The following DGLUCY variants were observed in gnomAD, a reference collection of about 807,000 sequenced individuals.
DGLUCY encodes the protein D-glutamate cyclase, mitochondrial.
Under a neutral mutation model 58.5 loss-of-function variants are expected in DGLUCY, and 58 were observed. The ratio of observed to expected loss-of-function variants is 0.99; its 90% CI spans 0.80 to 1.23. The LOEUF (loss-of-function observed/expected upper bound fraction) is 1.23. Among genes scored for constraint, DGLUCY ranks in the 50% most tolerant of loss-of-function variants. DGLUCY has a pLI of 0.00. For synonymous variants in DGLUCY, 325 were observed against 314.1 expected (o/e 1.03, Z -0.37); for missense variants, 779 against 784.7 (o/e 0.99, Z 0.09).
chr14:91,176,699 C>T (rs1431039295), intron 7 of DGLUCY, among the ~76,000 whole-genome samples: 1 of 152,090 alleles, frequency 6.6e-6, no homozygotes, highest in Non-Finnish European at 1.5e-5. Flanking sequence ...TCCTGGGCTC[C>T]AGCGAGGGAG....
rs1798848650 is a variant in DGLUCY, at chr14:91,224,764, G to A, written c.1797G>A (p.Gly599=). The change falls in exon 14 of 14, where the codon GGG becomes GGA. Residue 599 remains glycine, a synonymous_variant. Transcript: ENST00000256324. ...VSGIVGMEVD[G]LPFHNTHAEM... ...GCATCGTGGGCATGGAGGTGGATGG[G>A]CTGCCCTTCCACAACACCCACGCCG... The A allele has an allele frequency of 6.2e-7, 1 of 1,613,710 alleles. No homozygotes were observed. Among genetic ancestry groups the A allele is most frequent in the Non-Finnish European group, 8.5e-7 (1 of 1,179,774 alleles).
intron 1 of DGLUCY, among the ~76,000 whole-genome samples, chr14:91,078,629 G>A (rs1475948988): frequency 1.3e-5 from 2 of 152,258 alleles, no homozygotes; most frequent in Non-Finnish European, 2.9e-5. Context: ...TTAGAAAATA[G>A]CGTAGTCTTG....
At chr14:91,066,388 GAAAAAAAAAA>G (rs58589619) in intron 1 of DGLUCY, among the ~76,000 whole-genome samples, 1 of 113,856 alleles carries the variant, frequency 8.8e-6, no homozygotes, top group African/African-American at 3.1e-5. Flanking sequence ...AAAAAAAAAA[GAAAAAAAAAA>G]AAAAAAAGAA....
chr14:91,179,751 C>CAA (rs200673413), intron 7 of DGLUCY, among the ~76,000 whole-genome samples: 2 of 134,768 alleles, frequency 1.5e-5, no homozygotes, highest in African/African-American at 5.4e-5. Flanking sequence ...GTTCCGTCTC[C>CAA]AAAAAAAAAA....
chr14:91,099,656 T>C (rs1006968205), intron 1 of DGLUCY, among the ~76,000 whole-genome samples: 16 of 152,266 alleles, frequency 1.1e-4, no homozygotes, highest in African/African-American at 3.9e-4. Flanking sequence ...CAGTTCTGGG[T>C]ATCCCCACCA....
At chr14:91,096,873 C>T (rs562434890) in intron 1 of DGLUCY, among the ~76,000 whole-genome samples, 2 of 152,280 alleles carry the variant, frequency 1.3e-5, no homozygotes, top group Admixed American at 6.5e-5. Flanking sequence ...ACTGAGCTCG[C>T]ACTGGGAAAA....
intron 1 of DGLUCY, among the ~76,000 whole-genome samples, chr14:91,094,090 G>A (rs1315045151): frequency 3.9e-5 from 6 of 152,068 alleles, no homozygotes; most frequent in Non-Finnish European, 8.8e-5. Context: ...GCTTGAAAAC[G>A]AGTGCATCTT....
At chr14:91,128,479 G>A (rs755877210) in intron 1 of DGLUCY, among the ~76,000 whole-genome samples, 2 of 152,018 alleles carry the variant, frequency 1.3e-5, no homozygotes, top group Non-Finnish European at 2.9e-5. Flanking sequence ...GTGTGACAGA[G>A]CGAGACTCTG....
chr14:91,082,734 G>A (rs1223228188), intron 1 of DGLUCY, among the ~76,000 whole-genome samples: 3 of 152,104 alleles, frequency 2.0e-5, no homozygotes, highest in Non-Finnish European at 4.4e-5. Flanking sequence ...TGTTAGATAT[G>A]TAGGTTGCAC....
At chr14:91,089,203 T>C (rs11620623) in intron 1 of DGLUCY, among the ~76,000 whole-genome samples, 50,430 of 152,084 alleles carry the variant, frequency 0.33, 9,930 homozygotes, top group African/African-American at 0.55. Flanking sequence ...GTATTTTTGG[T>C]GGATTGCATC....
chr14:91,089,149 A>G (rs1013697208), intron 1 of DGLUCY, among the ~76,000 whole-genome samples: 1 of 152,222 alleles, frequency 6.6e-6, no homozygotes. Context: ...TTCTGGAAAC[A>G]TCTTGCCCTC....
At chr14:91,192,272 G>A (rs565425022) in intron 9 of DGLUCY, among the ~76,000 whole-genome samples, 6 of 152,268 alleles carry the variant, frequency 3.9e-5, no homozygotes, top group Admixed American at 1.3e-4. Flanking sequence ...ATGACTCCAC[G>A]CATATGACAT....
Position 91,204,864 on chromosome 14 carries a change from C to T in DGLUCY, c.1564+39C>T, listed in dbSNP as rs745434757. 5 of 1,612,430 alleles carry T rather than the reference C, an allele frequency of 3.1e-6. No homozygotes were observed. The African/African-American group carries it at 6.7e-5, about 22-fold the overall frequency. On this transcript the variant is annotated intron_variant, in intron 12 of 13. Transcript: ENST00000256324. Reference sequence around the variant, plus strand: ...TGGCCGCCCAGTCCGGCCGGCTACCCAGGGTGAGCGACCTGGCTTGGAGCC... The same window carrying T: ...TGGCCGCCCAGTCCGGCCGGCTACCTAGGGTGAGCGACCTGGCTTGGAGCC...
At chr14:91,180,389 T>C (rs369250152) in intron 7 of DGLUCY, among the ~76,000 whole-genome samples, 25 of 151,346 alleles carry the variant, frequency 1.7e-4, no homozygotes, top group Middle Eastern at 6.8e-3. Context: ...CTGGATAACA[T>C]GGTAAAACAC....
intron 1 of DGLUCY, among the ~76,000 whole-genome samples, chr14:91,102,533 G>T (rs2044505541): frequency 6.6e-6 from 1 of 152,144 alleles, no homozygotes; most frequent in Non-Finnish European, 1.5e-5. Flanking sequence ...GTGGCATTGA[G>T]GGTAGAGGCA....
At chr14:91,061,878 C>T (rs1268935997) in intron 1 of DGLUCY, among the ~76,000 whole-genome samples, 5 of 152,008 alleles carry the variant, frequency 3.3e-5, no homozygotes, top group Non-Finnish European at 7.4e-5. Flanking sequence ...AATCCTGCTG[C>T]AAGGATAGAA....
intron 1 of DGLUCY, among the ~76,000 whole-genome samples, chr14:91,095,371 G>C (rs2044377463): frequency 6.6e-6 from 1 of 152,194 alleles, no homozygotes; most frequent in Non-Finnish European, 1.5e-5. Context: ...CACTCTGCCT[G>C]TGCCCTGTCC....
Position 91,114,291 on chromosome 14 carries a change from A to G in DGLUCY, c.-82+8A>G, listed in dbSNP as rs1473380177. ...AGACGCCCCAAACAAACAGTAAGTC[A>G]GAAGGGAACAGAGCACAGCACAGTC... On this transcript the variant is annotated splice_region_variant and intron_variant, in intron 1 of 13. Coordinates refer to ENST00000256324, the MANE Select transcript of DGLUCY (RefSeq NM_001102368.3). The G allele has an allele frequency of 1.3e-5, 2 of 152,354 alleles. No homozygotes were observed. The highest frequency in any genetic ancestry group is 1.5e-5 in the Non-Finnish European group (1 of 68,156). The allele number at this position is 152,354 out of a possible 1,614,324, so 9.4% of individuals were successfully genotyped here.
chr14:91,208,355 T>TA (rs1885100729), intron 12 of DGLUCY, among the ~76,000 whole-genome samples: 1 of 152,212 alleles, frequency 6.6e-6, no homozygotes, highest in Non-Finnish European at 1.5e-5. Flanking sequence ...ACATATCAGT[T>TA]TGCTCAAAAT....
Sources: gnomAD v4.1 joint callset for allele counts (sites outside exome capture counted in the v4.1 genomes callset) on GRCh38, gnomAD v4.1.1 for gene constraint, MANE v1.5 for transcripts, NCBI Gene and HGNC (gene_info 2026-07-23, HGNC 2026-07-21) for gene names.